Variants in GNB5 observed in about 807,000 individuals in gnomAD.
GNB5 encodes guanine nucleotide-binding protein subunit beta-5.
Under a neutral mutation model 55.3 loss-of-function variants are expected in GNB5, and 37 were observed. That is an observed-to-expected ratio of 0.67 (90% CI 0.51 to 0.88). GNB5 has a LOEUF of 0.88. Among genes scored for constraint, GNB5 ranks in the 40% least tolerant of loss-of-function variants. The probability of loss-of-function intolerance (pLI) is 0.00; values close to 1 mark genes in which losing one functional copy is unlikely to be tolerated. For missense variants in GNB5, 476 were observed against 515.3 expected, an observed-to-expected ratio of 0.92 and a Z score of 0.74; for synonymous variants, 219 against 198.5, an observed-to-expected ratio of 1.10 and a Z score of -0.87.
At chr15:52,150,024 G>A in intron 4 of GNB5, 99 bp from the exon 5 acceptor site, 1 of 883,418 alleles carries the variant, frequency 1.1e-6, no homozygotes. Flanking sequence ...GCAGTGTGAA[G>A]TAGAAAGCCA....
intron 6 of GNB5, 133 bp downstream of exon 6, chr15:52,147,326 C>A: frequency 1.4e-6 from 1 of 689,862 alleles, no homozygotes. Flanking sequence ...TGATCAAGTT[C>A]AGGGAAGGAT....
At chr15:52,136,656 G>A (rs2033731543) in intron 7 of GNB5, among the ~76,000 whole-genome samples, 1 of 152,184 alleles carries the variant, frequency 6.6e-6, no homozygotes, top group African/African-American at 2.4e-5. Context: ...ACTGACGGGT[G>A]CCAGAGGATA....
chr15:52,154,146 C>A, intron 3 of GNB5, 70 bp from the exon 4 acceptor site: 2 of 1,492,210 alleles, frequency 1.3e-6, no homozygotes. Flanking sequence ...TGACACAGCA[C>A]AGACATATGT....
chr15:52,173,458 C>G (rs1293268330), intron 3 of GNB5, among the ~76,000 whole-genome samples: 1 of 152,138 alleles, frequency 6.6e-6, no homozygotes, highest in Non-Finnish European at 1.5e-5. Context: ...GTAAACTAGG[C>G]AAAGAAGTGG....
chr15:52,183,452 C>T (rs962687835), intron 2 of GNB5, among the ~76,000 whole-genome samples: 1 of 152,150 alleles, frequency 6.6e-6, no homozygotes, highest in African/African-American at 2.4e-5. Context: ...CAGGTAGAAG[C>T]CCACTACACC....
At chr15:52,172,632 T>A (rs1289222478) in intron 3 of GNB5, among the ~76,000 whole-genome samples, 2 of 151,998 alleles carry the variant, frequency 1.3e-5, no homozygotes, top group African/African-American at 4.8e-5. Context: ...AATGCAAAAA[T>A]TAGCCAGGTG....
Position 52,117,111 on chromosome 15 carries a change from T to TTTTTTTTTTTTTTTTGG in GNB5, c.*5645_*5646insCCAAAAAAAAAAAAAAA, listed in dbSNP as rs2033164122. The TTTTTTTTTTTTTTTTGG allele has an allele frequency of 7.5e-6, 1 of 133,888 alleles. No homozygotes were observed. The highest frequency in any genetic ancestry group is 3.0e-5 in the African/African-American group (1 of 32,882). The allele number at this position is 133,888 out of a possible 1,614,324, so 8.3% of individuals were successfully genotyped here. ...GCTAATATATATATATATTTTTTTT[T>TTTTTTTTTTTTTTTTGG]AGTACAGACAGGGTTTCACCGTGTT... On this transcript the variant is annotated 3_prime_UTR_variant, in exon 13 of 13. Transcript: ENST00000261837.
rs2033283403 is a variant in GNB5 at position 52,122,072 on chromosome 15, T to A, written c.*685A>T. The A allele has an allele frequency of 6.6e-6, 1 of 152,228 alleles. No individual in the cohort carries two copies. Among genetic ancestry groups the A allele is most frequent in the African/African-American group, 2.4e-5 (1 of 41,450 alleles). The allele number at this position is 152,228 out of a possible 1,614,324, so 9.4% of individuals were successfully genotyped here. A position where few individuals can be genotyped will look rare whatever the true frequency, so the allele number is the denominator to read the frequency against. On this transcript the variant is annotated 3_prime_UTR_variant, in exon 13 of 13. Transcript: ENST00000261837. ...CCTTCAATTCAGAGAAAACGCCCTG[T>A]CCAAGTGGCACAGTGACATCATCAT...
chr15:52,132,702 G>A (rs2033610612), intron 9 of GNB5, among the ~76,000 whole-genome samples: 2 of 149,044 alleles, frequency 1.3e-5, no homozygotes, highest in African/African-American at 5.0e-5. Context: ...CGAACTCCTG[G>A]GCTCAAGCAA....
intron 3 of GNB5, among the ~76,000 whole-genome samples, chr15:52,175,349 C>G (rs8038456): frequency 0.49 from 74,713 of 152,116 alleles, 22,130 homozygotes; most frequent in Non-Finnish European, 0.68. Flanking sequence ...GGAAACCATC[C>G]TTGGATTCCA....
intron 10 of GNB5, among the ~76,000 whole-genome samples, chr15:52,126,892 G>A (rs192234830): frequency 6.6e-6 from 1 of 152,224 alleles, no homozygotes; most frequent in East Asian, 1.9e-4. Flanking sequence ...CCTCCCCAGG[G>A]TTCAAACGAT....
rs1029626241 is a variant in GNB5 at position 52,119,937 on chromosome 15, C to T, written c.*2820G>A. 1.3e-5 allele frequency: 2 copies of T among 152,240 alleles called. No homozygotes were observed. Among genetic ancestry groups the T allele is most frequent in the Non-Finnish European group, 2.9e-5 (2 of 68,116 alleles). 9.4% of individuals were successfully genotyped at this position (152,240 alleles called of 1,614,324 possible). A position where few individuals can be genotyped will look rare whatever the true frequency, so the allele number is the denominator to read the frequency against. ...GAAGGGTGCAAAGGAGGTAGAAGAGCGGGAAGAGGGCAGTGGCAACGGGAT... is the reference window on the plus strand; with the variant it reads ...GAAGGGTGCAAAGGAGGTAGAAGAGTGGGAAGAGGGCAGTGGCAACGGGAT... On this transcript the variant is annotated 3_prime_UTR_variant, in exon 13 of 13. Coordinates refer to ENST00000261837, the MANE Select transcript of GNB5 (RefSeq NM_016194.4).
At chr15:52,125,657 GA>G in intron 11 of GNB5, 1 of 247,078 alleles carries the variant, frequency 4.0e-6, no homozygotes, top group East Asian at 8.2e-5. Context: ...AGGCTGGGGA[GA>G]AAATGCCTGA....
intron 3 of GNB5, among the ~76,000 whole-genome samples, chr15:52,167,261 G>A (rs2034468167): frequency 6.6e-6 from 1 of 152,118 alleles, no homozygotes; most frequent in African/African-American, 2.4e-5. Flanking sequence ...AAGAGGGGCT[G>A]GTACCCTTTC....
chr15:52,141,107 AG>A, intron 7 of GNB5, 32 bp downstream of exon 7: 1 of 1,609,364 alleles, frequency 6.2e-7, no homozygotes, highest in East Asian at 2.2e-5. Context: ...GCTCCTTGGC[AG>A]GTCAACCTGA....
intron 3 of GNB5, among the ~76,000 whole-genome samples, chr15:52,161,451 C>A (rs1228162292): frequency 1.3e-5 from 2 of 152,226 alleles, no homozygotes; most frequent in Non-Finnish European, 2.9e-5. Flanking sequence ...GCACGCGCTA[C>A]CACGCCCGGC....
At chr15:52,188,580 G>T (rs1385576482) in intron 1 of GNB5, among the ~76,000 whole-genome samples, 1 of 152,246 alleles carries the variant, frequency 6.6e-6, no homozygotes, top group African/African-American at 2.4e-5. Context: ...TATGATGAGA[G>T]AATTTTTCAC....
intron 3 of GNB5, among the ~76,000 whole-genome samples, chr15:52,173,231 A>G (rs2034587076): frequency 6.6e-6 from 1 of 152,214 alleles, no homozygotes; most frequent in Non-Finnish European, 1.5e-5. Flanking sequence ...CTGAAATTGT[A>G]GGAAGTTGGG....
At chr15:52,142,807 G>A (rs2033887498) in intron 6 of GNB5, among the ~76,000 whole-genome samples, 1 of 150,418 alleles carries the variant, frequency 6.6e-6, no homozygotes, top group Non-Finnish European at 1.5e-5. Flanking sequence ...GTACACAGGT[G>A]TATTCTTGGG....
Sources: gnomAD v4.1 joint callset for allele counts (sites outside exome capture counted in the v4.1 genomes callset) on GRCh38, gnomAD v4.1.1 for gene constraint, MANE v1.5 for transcripts, NCBI Gene and HGNC (gene_info 2026-07-23, HGNC 2026-07-21) for gene names.